MYOZ1: variants seen among roughly 807,000 people sequenced by gnomAD.
MYOZ1 encodes the protein myozenin-1.
In MYOZ1, 20 loss-of-function variants were observed where a neutral mutation model predicts 28.7. The ratio of observed to expected loss-of-function variants is 0.70; its 90% CI spans 0.49 to 1.01. The LOEUF (loss-of-function observed/expected upper bound fraction) is 1.01. MYOZ1 is among the 50% of genes least tolerant of loss of function. MYOZ1 has a pLI of 0.00. For missense variants in MYOZ1, 371 were observed against 372.4 expected (o/e 1.00, Z 0.03); for synonymous variants, 144 against 145.8 (o/e 0.99, Z 0.09).
chr10:73,634,333 G>A, intron 4 of MYOZ1, 151 bp downstream of exon 4: 1 of 1,012,584 alleles, frequency 9.9e-7, no homozygotes, highest in South Asian at 2.2e-5. Context: ...AATTCACCAA[G>A]ATATTTATGA....
chr10:73,639,920 C>T, intron 2 of MYOZ1, 25 bp downstream of exon 2: 1 of 1,610,342 alleles, frequency 6.2e-7, no homozygotes, highest in East Asian at 2.2e-5. Context: ...AAGTCCCACA[C>T]TAGGGAGATG....
intron 3 of MYOZ1, among the ~76,000 whole-genome samples, chr10:73,637,425 C>T (rs2081673929): frequency 6.6e-6 from 1 of 152,156 alleles, no homozygotes; most frequent in African/African-American, 2.4e-5. Flanking sequence ...CTTCAAAATA[C>T]AAGACTGGAC....
chr10:73,639,917 A>C, intron 2 of MYOZ1, 28 bp downstream of exon 2: 1 of 1,608,884 alleles, frequency 6.2e-7, no homozygotes. Context: ...AAGAAGTCCC[A>C]CACTAGGGAG....
chr10:73,631,709 C>T lies in MYOZ1; in HGVS notation c.*221G>A, dbSNP rs751262143. ...CTGGTGGCAGAGCAAATTCCATAAA[C>T]GAGCAGGTTCCATATGGAGCAAGTA... On this transcript the variant is annotated 3_prime_UTR_variant, in exon 6 of 6. Coordinates refer to ENST00000359322, the MANE Select transcript of MYOZ1 (RefSeq NM_021245.4). 2.7e-5 allele frequency: 14 copies of T among 512,754 alleles called. No homozygotes were observed. Among genetic ancestry groups the T allele is most frequent in the East Asian group, 6.5e-5 (2 of 30,594 alleles). 31.8% of individuals were successfully genotyped at this position (512,754 alleles called of 1,614,324 possible).
intron 1 of MYOZ1, among the ~76,000 whole-genome samples, chr10:73,640,270 C>T (rs747797138): frequency 6.6e-6 from 1 of 152,328 alleles, no homozygotes; most frequent in African/African-American, 2.4e-5. Context: ...CAACTTCAGC[C>T]TCCCAAGTAG....
At position 73,634,656 on chromosome 10, in the gene MYOZ1, G is replaced by A; in HGVS notation, c.330C>T (p.Ser110=). The A allele has an allele frequency of 2.5e-6, 4 of 1,614,224 alleles. No individual in the cohort carries two copies. Among genetic ancestry groups the A allele is most frequent in the African/African-American group, 2.7e-5 (2 of 75,054 alleles). The part of the protein sequence containing the change: ...TAGQGFSYSK[S]NGRGGSQAGG... ...CTGCCTGGCTGCCGCCTCTGCCGTT[G>A]CTCTTGCTGTATGAGAATCCCTGAC... The change falls in exon 4 of 6, where the codon AGC becomes AGT. Residue 110 remains serine (S), a synonymous_variant. Coordinates refer to ENST00000359322, the MANE Select transcript of MYOZ1 (RefSeq NM_021245.4).
Position 73,636,281 on chromosome 10 carries a change from AC to A in MYOZ1, c.252+1462del, listed in dbSNP as rs2081666813. Among the ~76,000 whole-genome samples the A allele has an allele frequency of 6.6e-5, 10 of 152,116 alleles. No homozygotes were observed. In the South Asian group the frequency reaches 2.1e-3, roughly 32 times the overall value. ...GCCTGACTAGAATATATCTTGAAGG[AC>A]CGTTTCAGTCTCCACACCTGGGGCT... On this transcript the variant is annotated intron_variant, in intron 3 of 5. Coordinates refer to ENST00000359322, the MANE Select transcript of MYOZ1 (RefSeq NM_021245.4).
chr10:73,637,321 TC>T lies in MYOZ1; in HGVS notation c.252+422del, dbSNP rs577077201. Among the ~76,000 whole-genome samples, 280 of 152,208 alleles carry T rather than the reference TC, an allele frequency of 1.8e-3. 3 individuals carry two copies. Among genetic ancestry groups the T allele is most frequent in the African/African-American group, 6.5e-3 (270 of 41,514 alleles). On this transcript the variant is annotated intron_variant, in intron 3 of 5. Coordinates refer to ENST00000359322, the MANE Select transcript of MYOZ1 (RefSeq NM_021245.4). ...TGAGCCACCATGCCTGGCTGCCTTA[TC>T]TTCTTTCTAAAATTTTTTTAAATTT...
chr10:73,634,199 G>C, intron 4 of MYOZ1, 134 bp from the exon 5 acceptor site: 1 of 1,131,324 alleles, frequency 8.8e-7, no homozygotes, highest in Non-Finnish European at 1.3e-6. Context: ...AATTGTATAA[G>C]GTTTGTGGCA....
intron 1 of MYOZ1, among the ~76,000 whole-genome samples, chr10:73,641,101 T>C (rs988082518): frequency 4.6e-5 from 7 of 152,180 alleles, no homozygotes; most frequent in Non-Finnish European, 1.0e-4. Context: ...TTAAGAGAAG[T>C]TGGCACTCAG....
Position 73,635,085 on chromosome 10 carries a change from G to A in MYOZ1, c.253-352C>T, listed in dbSNP as rs140637107. 3.6e-4 allele frequency among the ~76,000 whole-genome samples: 54 copies of A among 151,952 alleles called. No individual in the cohort carries two copies. In the East Asian group the frequency reaches 6.6e-3, roughly 19 times the overall value. On this transcript the variant is annotated intron_variant, in intron 3 of 5. Coordinates refer to ENST00000359322, the MANE Select transcript of MYOZ1 (RefSeq NM_021245.4). ...ATTACAGGCATGCACCATCACACCC[G>A]GCTAATTTGATATATTTTTAGTAGA... is the stretch of plus-strand genomic sequence containing the variant.
intron 5 of MYOZ1, among the ~76,000 whole-genome samples, chr10:73,632,854 C>T (rs1010681405): frequency 6.6e-6 from 1 of 151,772 alleles, no homozygotes; most frequent in Non-Finnish European, 1.5e-5. Context: ...GATAGCCTGG[C>T]TAAGAGTAAT....
intron 1 of MYOZ1, 125 bp from the exon 2 acceptor site, chr10:73,640,160 T>C (rs1286403540): frequency 3.0e-6 from 2 of 659,150 alleles, no homozygotes; most frequent in Non-Finnish European, 5.1e-6. Context: ...TTTTTTTTTC[T>C]TTTTTAGAGA....
chr10:73,634,077 G>A lies in MYOZ1; in HGVS notation c.503-12C>T, dbSNP rs1305351732. The A allele has an allele frequency of 6.2e-7, 1 of 1,613,830 alleles. No homozygotes were observed. Among genetic ancestry groups the A allele is most frequent in the Non-Finnish European group, 8.5e-7 (1 of 1,179,950 alleles). On this transcript the variant is annotated splice_polypyrimidine_tract_variant and intron_variant, in intron 4 of 5. Coordinates refer to ENST00000359322, the MANE Select transcript of MYOZ1 (RefSeq NM_021245.4). ...GCCTGCCTGGTCTCCTGGTAGCCATGGGAGAGAAAATTCAGTCAAATAATA... is the reference window on the plus strand; with the variant it reads ...GCCTGCCTGGTCTCCTGGTAGCCATAGGAGAGAAAATTCAGTCAAATAATA...
chr10:73,634,036 T>A lies in MYOZ1; in HGVS notation c.532A>T (p.Ile178Phe). 6.2e-7 allele frequency: 1 copy of A among 1,613,994 alleles called. No individual in the cohort carries two copies. Among genetic ancestry groups the A allele is most frequent in the Non-Finnish European group, 8.5e-7 (1 of 1,179,958 alleles). Reference protein sequence around the residue: ...GDQAGGEGKHITVFKTYISPW... With the variant: ...GDQAGGEGKHFTVFKTYISPW... The stretch of plus-strand genomic sequence containing the variant: ...GAAATATAGGTCTTGAACACAGTGA[T>A]ATGTTTTCCTTCTCCGCCTGCCTGG... The change falls in exon 5 of 6, where the codon ATC becomes TTC. Residue 178 changes from isoleucine to phenylalanine, a missense_variant. Physicochemically the swap from Ile to Phe is conservative, Grantham distance 21. Transcript: ENST00000359322.
intron 2 of MYOZ1, among the ~76,000 whole-genome samples, chr10:73,639,673 C>G (rs2081691476): frequency 6.6e-6 from 1 of 152,156 alleles, no homozygotes. Flanking sequence ...TCAAATATAC[C>G]TCACTGACTC....
Position 73,637,741 on chromosome 10 carries a change from C to T in MYOZ1, c.252+3G>A. The T allele has an allele frequency of 6.2e-7, 1 of 1,610,612 alleles. No homozygotes were observed. The highest frequency in any genetic ancestry group is 8.5e-7 in the Non-Finnish European group (1 of 1,178,192). On this transcript the variant is annotated splice_donor_region_variant and intron_variant, in intron 3 of 5. Coordinates refer to ENST00000359322, the MANE Select transcript of MYOZ1 (RefSeq NM_021245.4). ...TGAGATAGTGATAAAGTTCCAGACT[C>T]ACCATTGAGCTGTCAGAGAAAACAT...
chr10:73,637,991 G>A (rs1470531045), intron 2 of MYOZ1, 69 bp from the exon 3 acceptor site: 2 of 1,436,416 alleles, frequency 1.4e-6, no homozygotes, highest in Non-Finnish European at 1.9e-6. Context: ...TCAGAATGCA[G>A]ACCTCATCCA....
In MYOZ1 at chr10:73,631,950, C is replaced by T. The variant is rs757249540; in HGVS notation, c.880G>A (p.Gly294Arg). 2.5e-6 allele frequency: 4 copies of T among 1,613,926 alleles called. No individual in the cohort carries two copies. The highest frequency in any genetic ancestry group is 2.5e-6 in the Non-Finnish European group (3 of 1,179,876). Residue 294 changes from glycine (G) to arginine (R), a missense_variant, in exon 6 of 6, where the codon GGA (glycine) becomes AGA (arginine). By Grantham distance (125) the Gly-to-Arg change is moderately radical (BLOSUM62 -2). Transcript: ENST00000359322. ...ACACCTCACAGCTCCTCTGTTTCTC[C>T]ATCCAAGGGGATGCCAATATCCACG... ...YNVDIGIPLD[G>R]ETEEL
Sources: gnomAD v4.1 joint callset for allele counts (sites outside exome capture counted in the v4.1 genomes callset) on GRCh38, gnomAD v4.1.1 for gene constraint, MANE v1.5 for transcripts, NCBI Gene and HGNC (gene_info 2026-07-23, HGNC 2026-07-21) for gene names.